Variants in ENOX1 observed in about 807,000 individuals in gnomAD.
ENOX1 encodes the protein candidate growth-related and time keeping constitutive hydroquinone (NADH) oxidase.
Under a neutral mutation model 82.5 loss-of-function variants are expected in ENOX1, and 42 were observed. That is an observed-to-expected ratio of 0.51 (90% CI 0.40 to 0.66). ENOX1 has a LOEUF of 0.66. Ranked by LOEUF, ENOX1 falls within the 30% of genes least tolerant of loss-of-function variation. The pLI, the probability that ENOX1 is intolerant of heterozygous loss-of-function variation, is 0.00. For synonymous variants in ENOX1, 271 were observed against 282.2 expected, an observed-to-expected ratio of 0.96 and a Z score of 0.40; for missense variants, 608 against 811.6, an observed-to-expected ratio of 0.75 and a Z score of 3.05.
At chr13:43,451,880 T>C (rs144021766) in intron 3 of ENOX1, among the ~76,000 whole-genome samples, 314 of 152,268 alleles carry the variant, frequency 2.1e-3, no homozygotes, top group Middle Eastern at 0.01. Flanking sequence ...AGTATGAAGA[T>C]AGATCACAAA....
chr13:43,251,973 CAG>C (rs1434443155), intron 14 of ENOX1, among the ~76,000 whole-genome samples: 1 of 151,972 alleles, frequency 6.6e-6, no homozygotes, highest in Non-Finnish European at 1.5e-5. Context: ...AGTGAGGGGA[CAG>C]AGAATTATAC....
chr13:43,301,719 G>A (rs972458274), intron 11 of ENOX1, among the ~76,000 whole-genome samples: 2 of 152,226 alleles, frequency 1.3e-5, no homozygotes, highest in East Asian at 3.9e-4. Flanking sequence ...TCATGTGGCA[G>A]CAAGTAGTTA....
At chr13:43,256,063 G>A (rs2043727589) in intron 14 of ENOX1, among the ~76,000 whole-genome samples, 1 of 152,144 alleles carries the variant, frequency 6.6e-6, no homozygotes, top group African/African-American at 2.4e-5. Context: ...ATTGGGGAAA[G>A]GACAGTCTTT....
rs75795875 is a variant in ENOX1 at position 43,467,352 on chromosome 13, A to G, written c.-75+16657T>C. On this transcript the variant is annotated intron_variant, in intron 3 of 16. Coordinates refer to ENST00000690772, the MANE Select transcript of ENOX1 (RefSeq NM_001347969.2). Reference sequence around the variant, plus strand: ...ATTTACTGTCTAAAAATGATAGACTATAGTAATTCGACAGACAGTTAAAAT... The same window carrying G: ...ATTTACTGTCTAAAAATGATAGACTGTAGTAATTCGACAGACAGTTAAAAT... 3.9e-4 allele frequency among the ~76,000 whole-genome samples: 59 copies of G among 152,324 alleles called. 1 individual carries two copies. The East Asian group carries it at 0.01, about 27-fold the overall frequency.
At chr13:43,385,250 T>G (rs2052337185) in intron 5 of ENOX1, among the ~76,000 whole-genome samples, 1 of 152,158 alleles carries the variant, frequency 6.6e-6, no homozygotes, top group African/African-American at 2.4e-5. Context: ...AGATTAATTT[T>G]GAGAGGAAAC....
intron 1 of ENOX1, among the ~76,000 whole-genome samples, chr13:43,726,302 C>T (rs1403759355): frequency 1.0e-4 from 15 of 150,380 alleles, no homozygotes; most frequent in Admixed American, 7.9e-4. Context: ...CTGCAACCTC[C>T]GCCTCCCAGA....
intron 3 of ENOX1, among the ~76,000 whole-genome samples, chr13:43,464,269 A>G (rs937334464): frequency 7.2e-5 from 11 of 152,248 alleles, no homozygotes; most frequent in Admixed American, 2.6e-4. Context: ...AAGGAAATAA[A>G]TACAGAAATA....
chr13:43,267,872 G>T (rs2044471254), intron 13 of ENOX1, among the ~76,000 whole-genome samples: 1 of 152,160 alleles, frequency 6.6e-6, no homozygotes, highest in Non-Finnish European at 1.5e-5. Flanking sequence ...TAATATTGCA[G>T]ATTTAAAATT....
intron 14 of ENOX1, among the ~76,000 whole-genome samples, chr13:43,264,719 AATC>A (rs968043348): frequency 4.6e-5 from 7 of 152,364 alleles, no homozygotes; most frequent in Admixed American, 2.0e-4. Context: ...AAAAAGACAA[AATC>A]ATCAAACATA....
At chr13:43,382,966 T>C (rs889468991) in intron 5 of ENOX1, among the ~76,000 whole-genome samples, 4 of 152,190 alleles carry the variant, frequency 2.6e-5, no homozygotes, top group Middle Eastern at 3.2e-3. Flanking sequence ...TATGCATATA[T>C]AAAGCTTTTT....
At chr13:43,775,768 C>T (rs1440601269) in intron 1 of ENOX1, among the ~76,000 whole-genome samples, 1 of 152,102 alleles carries the variant, frequency 6.6e-6, no homozygotes, top group Non-Finnish European at 1.5e-5. Context: ...ACCAATAAAA[C>T]CTCTTTCCAA....
intron 2 of ENOX1, among the ~76,000 whole-genome samples, chr13:43,564,016 T>C (rs549042103): frequency 9.3e-5 from 14 of 151,242 alleles, no homozygotes; most frequent in African/African-American, 3.2e-4. Flanking sequence ...CATTCTACAA[T>C]GCCAGTATTA....
At chr13:43,329,401 C>T (rs1418085182) in intron 9 of ENOX1, among the ~76,000 whole-genome samples, 3 of 151,998 alleles carry the variant, frequency 2.0e-5, no homozygotes, top group South Asian at 2.1e-4. Context: ...AAGAGGGGTG[C>T]GAGGTACCAC....
intron 5 of ENOX1, among the ~76,000 whole-genome samples, chr13:43,395,028 C>G (rs2053052558): frequency 1.3e-5 from 2 of 152,186 alleles, no homozygotes; most frequent in African/African-American, 4.8e-5. Flanking sequence ...GATGGACTAG[C>G]AACATCTGCC....
At chr13:43,430,761 A>G (rs2153613416) in intron 3 of ENOX1, among the ~76,000 whole-genome samples, 1 of 152,374 alleles carries the variant, frequency 6.6e-6, no homozygotes, top group Admixed American at 6.5e-5. Context: ...AAATAAAAAC[A>G]AATTGTTGAT....
At chr13:43,323,360 A>G (rs1485315142) in intron 10 of ENOX1, among the ~76,000 whole-genome samples, 1 of 152,216 alleles carries the variant, frequency 6.6e-6, no homozygotes, top group East Asian at 1.9e-4. Flanking sequence ...TAGGGGAGTG[A>G]CTACAATCAA....
chr13:43,572,197 C>G (rs762308178), intron 2 of ENOX1, among the ~76,000 whole-genome samples: 2 of 152,120 alleles, frequency 1.3e-5, no homozygotes, highest in Non-Finnish European at 2.9e-5. Flanking sequence ...CCAGCCCTTC[C>G]ATGCTCACAT....
intron 2 of ENOX1, among the ~76,000 whole-genome samples, chr13:43,490,719 T>A (rs2076589599): frequency 6.6e-6 from 1 of 152,204 alleles, no homozygotes; most frequent in Non-Finnish European, 1.5e-5. Flanking sequence ...AAAGCTTCCC[T>A]TTCCAGAAAA....
At chr13:43,367,240 C>T (rs1443434373) in intron 5 of ENOX1, among the ~76,000 whole-genome samples, 3 of 152,212 alleles carry the variant, frequency 2.0e-5, no homozygotes, top group Admixed American at 6.5e-5. Flanking sequence ...GACATCTAAA[C>T]CCGTCTGGCA....
Sources: allele counts gnomAD v4.1 joint callset (sites outside exome capture counted in the v4.1 genomes callset), GRCh38; gene constraint gnomAD v4.1.1; transcripts MANE v1.5; gene names NCBI Gene and HGNC (gene_info 2026-07-23, HGNC 2026-07-21).